STPG2: variants seen among roughly 807,000 people sequenced by gnomAD.
STPG2 encodes the protein sperm tail PG-rich repeat containing 2.
Under a neutral mutation model 54.2 loss-of-function variants are expected in STPG2, and 56 were observed. The observed-to-expected ratio is 1.03, with a 90% CI of 0.83 to 1.29. The LOEUF is 1.29. STPG2 is among the 50% of genes most tolerant of loss of function. The pLI is 0.00. For missense variants in STPG2, 596 were observed against 544.9 expected, an observed-to-expected ratio of 1.09 and a Z score of -0.93; for synonymous variants, 200 against 181.8, an observed-to-expected ratio of 1.10 and a Z score of -0.81.
chr4:97,649,789 C>T (rs923435215), intron 10 of STPG2, among the ~76,000 whole-genome samples: 1 of 152,032 alleles, frequency 6.6e-6, no homozygotes, highest in Admixed American at 6.6e-5. Flanking sequence ...CACCAGGGAC[C>T]GGTTTCATGG....
chr4:97,499,114 G>A lies in STPG2; in HGVS notation c.462+213585C>T, dbSNP rs146075018. On this transcript the variant is annotated intron_variant, in intron 4 of 4. Coordinates refer to the STPG2 transcript ENST00000522676. ...ATAAGTCTAACTACAAACAACTTACGTAATACAGGGAAATATCAGTGAGAA... is the reference window on the plus strand; with the variant it reads ...ATAAGTCTAACTACAAACAACTTACATAATACAGGGAAATATCAGTGAGAA... Among the ~76,000 whole-genome samples the A allele has an allele frequency of 4.2e-3, 642 of 152,016 alleles. 3 individuals are homozygous for A. The highest frequency in any genetic ancestry group is 0.02 in the South Asian group (98 of 4,820).
intron 8 of STPG2, among the ~76,000 whole-genome samples, chr4:97,942,548 TG>T (rs1733029579): frequency 6.6e-6 from 1 of 152,138 alleles, no homozygotes; most frequent in Non-Finnish European, 1.5e-5. Context: ...ATGCTGATTT[TG>T]ACTACATCTC....
At chr4:97,590,471 T>G (rs1733112949) in intron 10 of STPG2, among the ~76,000 whole-genome samples, 1 of 151,966 alleles carries the variant, frequency 6.6e-6, no homozygotes, top group Non-Finnish European at 1.5e-5. Context: ...ATCGAGGTCG[T>G]TTGTCCTAAG....
chr4:97,935,885 G>A (rs974570887), intron 8 of STPG2, among the ~76,000 whole-genome samples: 3 of 151,962 alleles, frequency 2.0e-5, no homozygotes, highest in African/African-American at 4.8e-5. Context: ...CTGTAGATAC[G>A]TATCAGTTAC....
chr4:98,023,297 G>T (rs1359915383), intron 5 of STPG2, among the ~76,000 whole-genome samples: 1 of 152,206 alleles, frequency 6.6e-6, no homozygotes, highest in Non-Finnish European at 1.5e-5. Flanking sequence ...GACCCTGTTT[G>T]CCTGGGTATC....
intron 9 of STPG2, among the ~76,000 whole-genome samples, chr4:97,788,719 A>G (rs961891636): frequency 1.3e-5 from 2 of 152,002 alleles, no homozygotes; most frequent in African/African-American, 4.8e-5. Context: ...CCTTTTCTCT[A>G]TATCCTTGCT....
chr4:97,485,089 C>G (rs979328599), intron 4 of STPG2, among the ~76,000 whole-genome samples: 8 of 151,814 alleles, frequency 5.3e-5, no homozygotes, highest in African/African-American at 1.9e-4. Context: ...TACAAAGCCA[C>G]AGCCAACATA....
intron 5 of STPG2, among the ~76,000 whole-genome samples, chr4:98,014,609 C>A (rs1294352430): frequency 1.3e-5 from 2 of 152,140 alleles, no homozygotes; most frequent in South Asian, 4.1e-4. Flanking sequence ...TTGTTAAATA[C>A]TTTTAACCTC....
chr4:97,882,682 G>A (rs1203586926), intron 8 of STPG2, among the ~76,000 whole-genome samples: 1 of 152,034 alleles, frequency 6.6e-6, no homozygotes, highest in Non-Finnish European at 1.5e-5. Context: ...TTCTGGCAAT[G>A]AACAGCCACC....
intron 9 of STPG2, among the ~76,000 whole-genome samples, chr4:97,782,088 C>T (rs192914279): frequency 1.9e-3 from 296 of 152,238 alleles, no homozygotes; most frequent in African/African-American, 7.0e-3. Context: ...CCAGGGCAAT[C>T]AGGCAGGAGA....
intron 4 of STPG2, among the ~76,000 whole-genome samples, chr4:97,492,349 A>G (rs529679247): frequency 5.3e-5 from 8 of 151,596 alleles, no homozygotes; most frequent in Non-Finnish European, 1.0e-4. Flanking sequence ...GGGACCTCTG[A>G]AAACATCTTT....
intron 4 of STPG2, chr4:97,489,924 G>C (rs1440780294): frequency 6.6e-6 from 1 of 151,068 alleles, no homozygotes; most frequent in Non-Finnish European, 1.5e-5. Context: ...ACTATATGAA[G>C]AGAACATTTA....
At chr4:97,886,999 C>T (rs555773595) in intron 8 of STPG2, among the ~76,000 whole-genome samples, 4 of 152,294 alleles carry the variant, frequency 2.6e-5, no homozygotes, top group South Asian at 2.1e-4. Flanking sequence ...CCACCAGGAT[C>T]GTAAGTTTCC....
At chr4:98,059,482 A>G (rs946116851) in intron 5 of STPG2, among the ~76,000 whole-genome samples, 2 of 152,072 alleles carry the variant, frequency 1.3e-5, no homozygotes, top group African/African-American at 4.8e-5. Flanking sequence ...TTTACAAAGA[A>G]GAGTTGGTAC....
At chr4:97,893,596 A>T (rs1372964680) in intron 8 of STPG2, among the ~76,000 whole-genome samples, 1 of 152,054 alleles carries the variant, frequency 6.6e-6, no homozygotes, top group Non-Finnish European at 1.5e-5. Context: ...TCATCCCCTC[A>T]ATTTTCAAGA....
intron 8 of STPG2, among the ~76,000 whole-genome samples, chr4:97,909,711 T>C (rs1193093565): frequency 2.0e-5 from 3 of 152,094 alleles, no homozygotes; most frequent in Non-Finnish European, 2.9e-5. Flanking sequence ...AGTAACCCAA[T>C]AGATTTGAAA....
intron 4 of STPG2, among the ~76,000 whole-genome samples, chr4:97,500,780 C>T (rs1730707790): frequency 6.6e-6 from 1 of 151,854 alleles, no homozygotes; most frequent in Non-Finnish European, 1.5e-5. Context: ...TGAATGTAGC[C>T]ACACGGTGAT....
At chr4:97,523,775 T>C (rs1205366440) in intron 4 of STPG2, among the ~76,000 whole-genome samples, 1 of 152,012 alleles carries the variant, frequency 6.6e-6, no homozygotes, top group African/African-American at 2.4e-5. Context: ...ATTATGGTAA[T>C]TCACAATTTA....
At chr4:97,799,272 T>C (rs1388164591) in intron 9 of STPG2, among the ~76,000 whole-genome samples, 5 of 152,224 alleles carry the variant, frequency 3.3e-5, no homozygotes, top group Non-Finnish European at 7.3e-5. Context: ...AGTTTCTTCC[T>C]AGCATCGATG....
Sources: gnomAD v4.1 joint callset for allele counts (sites outside exome capture counted in the v4.1 genomes callset) on GRCh38, gnomAD v4.1.1 for gene constraint, MANE v1.5 for transcripts, NCBI Gene and HGNC (gene_info 2026-07-23, HGNC 2026-07-21) for gene names.